The following ATP6V0E1 variants were observed in gnomAD, a reference collection of about 807,000 sequenced individuals.
ATP6V0E1 encodes the protein ATPase H+ transporting V0 subunit e1, also known as V-type proton ATPase subunit e 1.
A neutral mutation model predicts 11.6 loss-of-function variants in ATP6V0E1; 4 were observed. The ratio of observed to expected loss-of-function variants is 0.35; its 90% CI spans 0.17 to 0.79. The LOEUF (loss-of-function observed/expected upper bound fraction) is 0.79. Among genes scored for constraint, ATP6V0E1 ranks in the 30% least tolerant of loss-of-function variants. The probability of loss-of-function intolerance (pLI) is 0.54; values close to 1 mark genes in which losing one functional copy is unlikely to be tolerated. For missense variants in ATP6V0E1, 105 were observed against 100.0 expected, an observed-to-expected ratio of 1.05 and a Z score of -0.21; for synonymous variants, 36 against 34.8, an observed-to-expected ratio of 1.04 and a Z score of -0.13.
At chr5:173,024,655 A>G (rs1320030440) in intron 3 of ATP6V0E1, among the ~76,000 whole-genome samples, 2 of 152,036 alleles carry the variant, frequency 1.3e-5, no homozygotes, top group East Asian at 3.9e-4. Flanking sequence ...TTTAAGAATC[A>G]CGATCGGAGT....
intron 3 of ATP6V0E1, among the ~76,000 whole-genome samples, chr5:173,030,370 T>C (rs1054388638): frequency 3.3e-5 from 5 of 152,168 alleles, no homozygotes; most frequent in African/African-American, 1.2e-4. Flanking sequence ...GAATATTCAC[T>C]TACTTTTCCC....
At chr5:173,017,533 T>TA (rs750496072) in intron 2 of ATP6V0E1, among the ~76,000 whole-genome samples, 2,730 of 62,754 alleles carry the variant, frequency 0.044, 112 homozygotes, top group African/African-American at 0.13. Context: ...AGACTTCGTC[T>TA]AAAAAAAAAA....
rs574822139 is a variant in ATP6V0E1, at chr5:172,986,984, C to T, written c.104+3020C>T. ...TGTATTTTTAGTAGAGACGGGATTT[C>T]ACCATGTTGGCCAGGATGGTCTCGA... is the stretch of plus-strand genomic sequence containing the variant. On this transcript the variant is annotated intron_variant, in intron 1 of 3. Coordinates refer to ENST00000519374, the MANE Select transcript of ATP6V0E1 (RefSeq NM_003945.4). 4 of 243,232 alleles carry T rather than the reference C, an allele frequency of 1.6e-5. No homozygotes were observed. The Admixed American group carries it at 2.1e-4, about 13-fold the overall frequency. 15.1% of individuals were successfully genotyped at this position (243,232 alleles called of 1,614,324 possible).
Position 172,983,839 on chromosome 5 carries a change from G to C in ATP6V0E1, c.-22G>C. The C allele has an allele frequency of 6.2e-7, 1 of 1,610,722 alleles. No homozygotes were observed. The highest frequency in any genetic ancestry group is 8.5e-7 in the Non-Finnish European group (1 of 1,177,276). On this transcript the variant is annotated 5_prime_UTR_variant, in exon 1 of 4. Coordinates refer to ENST00000519374, the MANE Select transcript of ATP6V0E1 (RefSeq NM_003945.4). ...GATCCGAGTGAGGCGACGGGGTAGG[G>C]GTTGGCGCTCAGGCGGCGACCATGG... is the stretch of plus-strand genomic sequence containing the variant.
chr5:173,007,476 T>G (rs1756245829), intron 2 of ATP6V0E1, among the ~76,000 whole-genome samples: 1 of 152,206 alleles, frequency 6.6e-6, no homozygotes, highest in South Asian at 2.1e-4. Context: ...GAGAATCTCC[T>G]TTGTGTCAAA....
chr5:173,002,904 G>A (rs949770004), intron 2 of ATP6V0E1, among the ~76,000 whole-genome samples: 4 of 151,992 alleles, frequency 2.6e-5, no homozygotes, highest in African/African-American at 9.7e-5. Flanking sequence ...GCTTGGGATA[G>A]CCGGGGACAG....
rs138401840 is a variant in ATP6V0E1, at chr5:173,016,712, A to G, written c.153-3526A>G. Among the ~76,000 whole-genome samples, 92 of 152,306 alleles carry G rather than the reference A, an allele frequency of 6.0e-4. 1 individual carries two copies. Among genetic ancestry groups the G allele is most frequent in the African/African-American group, 2.0e-3 (85 of 41,568 alleles). On this transcript the variant is annotated intron_variant, in intron 2 of 3. Coordinates refer to ENST00000519374, the MANE Select transcript of ATP6V0E1 (RefSeq NM_003945.4). ...GTCCTTGGTTAGTTTGGAATTTTCCATGACTCTTAGCTCTGCACCATTAGC... is the reference window on the plus strand; with the variant it reads ...GTCCTTGGTTAGTTTGGAATTTTCCGTGACTCTTAGCTCTGCACCATTAGC...
chr5:172,993,794 C>G (rs897651060), intron 1 of ATP6V0E1, among the ~76,000 whole-genome samples: 1 of 150,260 alleles, frequency 6.7e-6, no homozygotes, highest in Non-Finnish European at 1.5e-5. Context: ...TCAGTTGAGC[C>G]GAGGAGTTGG....
chr5:173,025,671 T>A (rs1211529208), intron 3 of ATP6V0E1, among the ~76,000 whole-genome samples: 1 of 151,582 alleles, frequency 6.6e-6, no homozygotes, highest in Non-Finnish European at 1.5e-5. Flanking sequence ...ATTTTTTGTA[T>A]TTTTGGTAGA....
At chr5:172,984,149 G>C (rs2113573024) in intron 1 of ATP6V0E1, among the ~76,000 whole-genome samples, 185 bp downstream of exon 1, 1 of 152,264 alleles carries the variant, frequency 6.6e-6, no homozygotes, top group South Asian at 2.1e-4. Context: ...AGTGTCCTCC[G>C]GCCTGAGCGA....
rs112557174 is a variant in ATP6V0E1 at position 172,997,537 on chromosome 5, T to C, written c.152+2715T>C. 8.9e-3 allele frequency among the ~76,000 whole-genome samples: 1,358 copies of C among 152,236 alleles called. 20 individuals carry two copies. The highest frequency in any genetic ancestry group is 0.031 in the African/African-American group (1,296 of 41,554). ...AAGACTAAAGGTCAGGGGCAAGGCG[T>C]GGTGGCTCACGCCTGTAATCCCAGC... On this transcript the variant is annotated intron_variant, in intron 2 of 3. Coordinates refer to ENST00000519374, the MANE Select transcript of ATP6V0E1 (RefSeq NM_003945.4).
chr5:172,983,911 GGGCTTCGTC>G lies in ATP6V0E1; in HGVS notation c.58_66del (p.Val20_Phe22del), dbSNP rs750547573. 5 of 1,613,468 alleles carry G rather than the reference GGGCTTCGTC, an allele frequency of 3.1e-6. No homozygotes were observed. The South Asian group carries it at 5.5e-5, about 18-fold the overall frequency. On this transcript the variant is annotated inframe_deletion, in exon 1 of 4. Transcript: ENST00000519374. ...CTCTCATTGTGATGAGCGTGTTCTG[GGGCTTCGTC>G]GGCTTCTTGGTGCCTTGGTTCATCC... is the stretch of plus-strand genomic sequence containing the variant.
chr5:172,998,609 TAAAAAAAAAAAA>T (rs59297626), intron 2 of ATP6V0E1, among the ~76,000 whole-genome samples: 1 of 119,928 alleles, frequency 8.3e-6, no homozygotes, highest in African/African-American at 3.0e-5. Context: ...GACTCCATCT[TAAAAAAAAAAAA>T]AAAAAAAAGA....
At chr5:173,002,973 C>G (rs1756181438) in intron 2 of ATP6V0E1, among the ~76,000 whole-genome samples, 2 of 151,478 alleles carry the variant, frequency 1.3e-5, no homozygotes, top group South Asian at 4.2e-4. Context: ...ATCGCTTGGG[C>G]TCAGGAGTTT....
chr5:173,030,001 A>T (rs183206896), intron 3 of ATP6V0E1, among the ~76,000 whole-genome samples: 145 of 152,314 alleles, frequency 9.5e-4, no homozygotes, highest in Non-Finnish European at 7.6e-4. Context: ...TTTAGAAAAC[A>T]ACTTAGTAAA....
At chr5:173,005,199 T>A (rs747332227) in intron 2 of ATP6V0E1, among the ~76,000 whole-genome samples, 1 of 152,068 alleles carries the variant, frequency 6.6e-6, no homozygotes, top group Non-Finnish European at 1.5e-5. Flanking sequence ...ATTGGGATTG[T>A]GTTGAATATA....
At chr5:173,002,253 C>CAT (rs1156605652) in intron 2 of ATP6V0E1, among the ~76,000 whole-genome samples, 5 of 152,174 alleles carry the variant, frequency 3.3e-5, no homozygotes, top group Non-Finnish European at 5.9e-5. Context: ...TTTATATCAT[C>CAT]AAATATCCTA....
At chr5:173,029,917 G>A (rs1756624473) in intron 3 of ATP6V0E1, among the ~76,000 whole-genome samples, 2 of 152,136 alleles carry the variant, frequency 1.3e-5, no homozygotes, top group African/African-American at 4.8e-5. Flanking sequence ...CCCTAGTGGT[G>A]TGGGCCCTTG....
intron 1 of ATP6V0E1, among the ~76,000 whole-genome samples, chr5:172,994,335 TCTG>T (rs1164571459): frequency 6.6e-6 from 1 of 152,176 alleles, no homozygotes; most frequent in Non-Finnish European, 1.5e-5. Context: ...ATGTTGAAAT[TCTG>T]CTGATGAGAG....
Sources: gnomAD v4.1 joint callset for allele counts (sites outside exome capture counted in the v4.1 genomes callset) on GRCh38, gnomAD v4.1.1 for gene constraint, MANE v1.5 for transcripts, NCBI Gene and HGNC (gene_info 2026-07-23, HGNC 2026-07-21) for gene names.